The following BRCA1 variants were observed in gnomAD, a reference collection of about 807,000 sequenced individuals.
BRCA1 encodes the protein breast cancer type 1 susceptibility protein.
A neutral mutation model predicts 173.7 loss-of-function variants in BRCA1; 140 were observed. The ratio of observed to expected loss-of-function variants is 0.81; its 90% CI spans 0.70 to 0.93. The LOEUF is 0.93. BRCA1 is among the 40% of genes least tolerant of loss of function. The pLI, the probability that BRCA1 is intolerant of heterozygous loss-of-function variation, is 0.00. For synonymous variants in BRCA1, 662 were observed against 756.0 expected (o/e 0.88, Z 2.04); for missense variants, 1,983 against 2,172.5 (o/e 0.91, Z 1.73).
chr17:43,133,217 T>C (rs1230588071), intron 1 of BRCA1: 2 of 152,010 alleles, frequency 1.3e-5, no homozygotes, highest in Non-Finnish European at 2.9e-5. Flanking sequence ...ATCCCTCATC[T>C]CCTAGGTTAG....
intron 1 of BRCA1, chr17:43,140,184 T>C (rs1393811359): frequency 6.8e-6 from 2 of 296,290 alleles, no homozygotes; most frequent in African/African-American, 4.4e-5. Flanking sequence ...AGCTGCTGGG[T>C]TGGCGAACAC....
In BRCA1 at chr17:43,049,145, C is replaced by T. The variant is rs397509275; in HGVS notation, c.5382G>A (p.Glu1794=). ...VQLCGASVVK[E]LSSFTLGTGV... ...CTGTGCCAAGGGTGAATGATGAAAG[C>T]TCCTTCACCACAGAAGCACCACACA... Residue 1794 remains glutamate (E), a synonymous_variant, in exon 21 of 23, where the codon GAG becomes GAA. Coordinates refer to ENST00000357654, the MANE Select transcript of BRCA1 (RefSeq NM_007294.4). 6.8e-6 allele frequency: 11 copies of T among 1,614,086 alleles called. No homozygotes were observed. Among genetic ancestry groups the T allele is most frequent in the Non-Finnish European group, 8.5e-6 (10 of 1,179,966 alleles).
At chr17:43,159,066 T>C (rs1473480537) in intron 1 of BRCA1, among the ~76,000 whole-genome samples, 2 of 152,088 alleles carry the variant, frequency 1.3e-5, no homozygotes, top group Non-Finnish European at 2.9e-5. Flanking sequence ...CAAAACCCTA[T>C]ATCTACAAAC....
chr17:43,123,362 T>G (rs1322701695), intron 2 of BRCA1, among the ~76,000 whole-genome samples: 2 of 147,498 alleles, frequency 1.4e-5, no homozygotes, highest in Non-Finnish European at 3.0e-5. Flanking sequence ...TTTTTTTTTT[T>G]TTTTTTTTTT....
chr17:43,089,921 C>T (rs994687399), intron 11 of BRCA1, among the ~76,000 whole-genome samples: 2 of 151,516 alleles, frequency 1.3e-5, no homozygotes, highest in African/African-American at 2.4e-5. Context: ...GTAGGAGGAT[C>T]GCTTGAGCCC....
chr17:43,099,029 G>A (rs1197902897), intron 7 of BRCA1, among the ~76,000 whole-genome samples: 1 of 148,506 alleles, frequency 6.7e-6, no homozygotes, highest in Non-Finnish European at 1.5e-5. Flanking sequence ...CTCCATGTTG[G>A]TCAGGCTGGT....
chr17:43,091,434 C>T lies in BRCA1; in HGVS notation c.4096+1G>A, dbSNP rs80358178. 6 of 1,613,864 alleles carry T rather than the reference C, an allele frequency of 3.7e-6. No individual in the cohort carries two copies. Among genetic ancestry groups the T allele is most frequent in the Non-Finnish European group, 4.2e-6 (5 of 1,179,976 alleles). ...CAAACACAAAAACCTGGTTCCAATACCTAAGTTTGAATCCATGCTTTGCTC... is the reference window on the plus strand; with the variant it reads ...CAAACACAAAAACCTGGTTCCAATATCTAAGTTTGAATCCATGCTTTGCTC... On this transcript the variant is annotated splice_donor_variant, in intron 10 of 22. Transcript: ENST00000357654. LOFTEE classifies it high-confidence loss of function.
At chr17:43,089,788 C>T (rs2053373778) in intron 11 of BRCA1, among the ~76,000 whole-genome samples, 1 of 151,738 alleles carries the variant, frequency 6.6e-6, no homozygotes, top group Non-Finnish European at 1.5e-5. Flanking sequence ...GGTGGGATCA[C>T]TTGAGCCCAG....
intron 2 of BRCA1, among the ~76,000 whole-genome samples, chr17:43,116,483 G>A (rs1050887700): frequency 1.3e-5 from 2 of 152,122 alleles, no homozygotes; most frequent in Non-Finnish European, 2.9e-5. Flanking sequence ...CTCCCAGCAC[G>A]GGGTTTACAG....
intron 22 of BRCA1, among the ~76,000 whole-genome samples, chr17:43,047,396 C>T (rs370085206): frequency 3.4e-4 from 52 of 152,154 alleles, no homozygotes; most frequent in African/African-American, 1.2e-3. Flanking sequence ...CCACCATGCC[C>T]GGCCTTGATT....
rs528978049 is a variant in BRCA1 at position 43,109,219 on chromosome 17, A to G, written c.135-2686T>C. ...ACTATATTGCCCAGTCTGGTCTCGA[A>G]CTCCTGACCTCAAGTGATCCTCCTG... On this transcript the variant is annotated intron_variant, in intron 3 of 22. Coordinates refer to ENST00000357654, the MANE Select transcript of BRCA1 (RefSeq NM_007294.4). Among the ~76,000 whole-genome samples, 82 of 151,772 alleles carry G rather than the reference A, an allele frequency of 5.4e-4. 1 individual carries two copies. The highest frequency in any genetic ancestry group is 1.8e-3 in the African/African-American group (74 of 41,394).
chr17:43,124,620 A>G (rs2055780415), intron 1 of BRCA1: 1 of 171,786 alleles, frequency 5.8e-6, no homozygotes, highest in African/African-American at 2.4e-5. Context: ...CGCTTTCTCA[A>G]TGGCGCAAAT....
intron 11 of BRCA1, among the ~76,000 whole-genome samples, chr17:43,089,115 C>T (rs1316558179): frequency 1.3e-5 from 2 of 151,966 alleles, no homozygotes; most frequent in African/African-American, 2.4e-5. Context: ...GAGTTCGAGA[C>T]GAGCCTGGCC....
chr17:43,126,995 C>G (rs542991600), upstream of BRCA1, among the ~76,000 whole-genome samples: 2 of 152,312 alleles, frequency 1.3e-5, no homozygotes, highest in African/African-American at 4.8e-5. Flanking sequence ...GCCGGGTCCC[C>G]CAGCACTGCC....
At chr17:43,152,917 C>T (rs1393121081) in intron 1 of BRCA1, among the ~76,000 whole-genome samples, 1 of 151,986 alleles carries the variant, frequency 6.6e-6, no homozygotes, top group Non-Finnish European at 1.5e-5. Flanking sequence ...TGCCTGTAAT[C>T]CCAGCTACTC....
intron 19 of BRCA1, among the ~76,000 whole-genome samples, chr17:43,054,707 C>T (rs549001917): frequency 6.6e-6 from 1 of 151,226 alleles, no homozygotes; most frequent in South Asian, 2.1e-4. Flanking sequence ...TCCTAAAGTG[C>T]TGGGATTACA....
intron 6 of BRCA1, among the ~76,000 whole-genome samples, 188 bp downstream of exon 6, chr17:43,103,934 C>T (rs2054599165): frequency 6.6e-6 from 1 of 151,856 alleles, no homozygotes; most frequent in Non-Finnish European, 1.5e-5. Flanking sequence ...TGATGAAACC[C>T]CGTCTCTACT....
chr17:43,129,071 C>T (rs185898447), upstream of BRCA1, among the ~76,000 whole-genome samples: 305 of 152,150 alleles, frequency 2.0e-3, 3 homozygotes, highest in African/African-American at 6.9e-3. Context: ...AAAAAAAAAT[C>T]GATGTGGAGG....
At chr17:43,051,855 T>C (rs999411510) in intron 19 of BRCA1, among the ~76,000 whole-genome samples, 1 of 152,182 alleles carries the variant, frequency 6.6e-6, no homozygotes, top group Non-Finnish European at 1.5e-5. Context: ...CAGGCTGGTC[T>C]CGAACTCCTG....
Sources: allele counts gnomAD v4.1 joint callset (sites outside exome capture counted in the v4.1 genomes callset), GRCh38; gene constraint gnomAD v4.1.1; transcripts MANE v1.5; gene names NCBI Gene and HGNC (gene_info 2026-07-23, HGNC 2026-07-21).